The following ANKRD44 variants were observed in gnomAD, a reference collection of about 807,000 sequenced individuals.
ANKRD44 encodes serine/threonine-protein phosphatase 6 regulatory ankyrin repeat subunit B.
A neutral mutation model predicts 116.0 loss-of-function variants in ANKRD44; 35 were observed. That is an observed-to-expected ratio of 0.30 (90% CI 0.23 to 0.40). ANKRD44 has a LOEUF of 0.40. Among genes scored for constraint, ANKRD44 ranks in the 10% least tolerant of loss-of-function variants. The pLI is 1.00. For missense variants in ANKRD44, 1,014 were observed against 1,242.6 expected, an observed-to-expected ratio of 0.82 and a Z score of 2.77; for synonymous variants, 435 against 461.8, an observed-to-expected ratio of 0.94 and a Z score of 0.74.
chr2:197,191,218 A>G (rs776517277), intron 1 of ANKRD44, among the ~76,000 whole-genome samples: 9 of 152,306 alleles, frequency 5.9e-5, no homozygotes, highest in Non-Finnish European at 1.0e-4. Context: ...GGCCAAATTT[A>G]CCAAAAGCAC....
chr2:197,233,118 T>C (rs1047228275), intron 1 of ANKRD44, among the ~76,000 whole-genome samples: 4 of 152,186 alleles, frequency 2.6e-5, no homozygotes, highest in African/African-American at 9.7e-5. Context: ...AGAACTAAAT[T>C]TGAAATTGGA....
rs1392574483 is a variant in ANKRD44 at position 196,998,887 on chromosome 2, T to C, written c.2665+20A>G. ...TTTTTGCATGGGCATAAGGGCAAAG[T>C]CCATACAACAAGCACATACCCACAG... is the stretch of plus-strand genomic sequence containing the variant. On this transcript the variant is annotated intron_variant, in intron 24 of 27. Coordinates refer to ENST00000282272, the MANE Select transcript of ANKRD44 (RefSeq NM_001195144.2). The C allele has an allele frequency of 1.2e-6, 2 of 1,611,932 alleles. No homozygotes were observed. Among genetic ancestry groups the C allele is most frequent in the East Asian group, 2.2e-5 (1 of 44,882 alleles).
intron 1 of ANKRD44, among the ~76,000 whole-genome samples, chr2:197,278,828 G>A (rs558079976): frequency 2.6e-5 from 4 of 152,220 alleles, no homozygotes; most frequent in African/African-American, 9.6e-5. Context: ...CTCTGAGGCA[G>A]AGACTTTTCG....
chr2:197,228,641 G>C (rs141350989), intron 1 of ANKRD44, among the ~76,000 whole-genome samples: 5 of 152,318 alleles, frequency 3.3e-5, no homozygotes, highest in African/African-American at 1.2e-4. Flanking sequence ...TTAGCTCTGT[G>C]TCCTACAACT....
intron 25 of ANKRD44, among the ~76,000 whole-genome samples, chr2:196,996,902 C>CAAAAA (rs55760106): frequency 4.5e-5 from 4 of 88,958 alleles, no homozygotes; most frequent in African/African-American, 1.3e-4. Context: ...GACTCTGCCT[C>CAAAAA]AAAAAAAAAA....
chr2:197,230,028 T>C (rs1324339337), intron 1 of ANKRD44, among the ~76,000 whole-genome samples: 1 of 151,890 alleles, frequency 6.6e-6, no homozygotes, highest in Non-Finnish European at 1.5e-5. Context: ...AAACAGAACT[T>C]GCATTTCACA....
rs1479063690 is a variant in ANKRD44 at position 197,221,208 on chromosome 2, G to A, written c.28-34102C>T. Among the ~76,000 whole-genome samples the A allele has an allele frequency of 1.6e-4, 25 of 151,658 alleles. 1 individual carries two copies. Among genetic ancestry groups the A allele is most frequent in the Non-Finnish European group, 2.9e-5 (2 of 67,956 alleles). ...GGAGGTTGCAGTGAGCCGAGATCAT[G>A]GCACTGCACTCCAGCCTGGGTGACA... On this transcript the variant is annotated intron_variant, in intron 1 of 27. Transcript: ENST00000282272.
downstream of ANKRD44, among the ~76,000 whole-genome samples, chr2:196,986,176 T>TTA (rs1387254380): frequency 6.6e-6 from 1 of 152,192 alleles, no homozygotes; most frequent in East Asian, 1.9e-4. Context: ...TATTTCTAGT[T>TTA]TATCACGTCT....
At chr2:197,105,815 G>A (rs568555233) in intron 9 of ANKRD44, among the ~76,000 whole-genome samples, 2 of 152,230 alleles carry the variant, frequency 1.3e-5, no homozygotes, top group South Asian at 2.1e-4. Context: ...CAGTGTGCAC[G>A]TATCCATATC....
intron 1 of ANKRD44, among the ~76,000 whole-genome samples, chr2:197,271,978 T>C (rs1252819357): frequency 6.6e-6 from 1 of 152,220 alleles, no homozygotes; most frequent in Admixed American, 6.5e-5. Context: ...GTTGAAATTA[T>C]ATCGCCAAAG....
At chr2:197,161,075 A>C (rs2079948537) in intron 2 of ANKRD44, among the ~76,000 whole-genome samples, 1 of 152,194 alleles carries the variant, frequency 6.6e-6, no homozygotes, top group Admixed American at 6.5e-5. Flanking sequence ...AAATTGAGCC[A>C]GTGGGACAGA....
chr2:197,230,499 A>T (rs1327379928), intron 1 of ANKRD44, among the ~76,000 whole-genome samples: 1 of 152,196 alleles, frequency 6.6e-6, no homozygotes, highest in African/African-American at 2.4e-5. Flanking sequence ...TATCACAGGA[A>T]CTGCCTATGA....
intron 1 of ANKRD44, among the ~76,000 whole-genome samples, chr2:197,262,560 T>C (rs547896525): frequency 1.3e-5 from 2 of 152,290 alleles, no homozygotes; most frequent in African/African-American, 4.8e-5. Context: ...CCAAAATGAG[T>C]GCATTCTTTC....
At chr2:197,059,103 A>G (rs1157379362) in intron 16 of ANKRD44, among the ~76,000 whole-genome samples, 1 of 152,150 alleles carries the variant, frequency 6.6e-6, no homozygotes, top group Admixed American at 6.6e-5. Context: ...GTCTCAGCTC[A>G]AGGTAAAATT....
chr2:197,209,034 G>A (rs2125689252), intron 1 of ANKRD44, among the ~76,000 whole-genome samples: 1 of 152,282 alleles, frequency 6.6e-6, no homozygotes, highest in South Asian at 2.1e-4. Context: ...GACTATTAGA[G>A]GTAGCTCTAA....
At chr2:197,001,452 G>T (rs1326972226) in intron 22 of ANKRD44, among the ~76,000 whole-genome samples, 1 of 152,176 alleles carries the variant, frequency 6.6e-6, no homozygotes, top group Admixed American at 6.5e-5. Context: ...TTTAGAATTT[G>T]GCAGACAAAT....
At chr2:196,967,868 T>C (rs2075685122) in intron 21 of ANKRD44, among the ~76,000 whole-genome samples, 1 of 151,560 alleles carries the variant, frequency 6.6e-6, no homozygotes, top group Admixed American at 6.6e-5. Context: ...GGAGGTGGGG[T>C]GGGAGGTGTC....
chr2:197,000,615 G>A (rs1301265394), intron 22 of ANKRD44, 113 bp from the exon 23 acceptor site: 5 of 841,694 alleles, frequency 5.9e-6, no homozygotes, highest in East Asian at 2.6e-5. Context: ...TTAAAAAATC[G>A]AACGTAAATA....
chr2:197,005,978 G>C, intron 20 of ANKRD44, 68 bp from the exon 21 acceptor site: 4 of 1,481,114 alleles, frequency 2.7e-6, no homozygotes, highest in Non-Finnish European at 3.8e-6. Flanking sequence ...AGTTGGCTAA[G>C]TGAGGCTGGG....
Sources: allele counts gnomAD v4.1 joint callset (sites outside exome capture counted in the v4.1 genomes callset), GRCh38; gene constraint gnomAD v4.1.1; transcripts MANE v1.5; gene names NCBI Gene and HGNC (gene_info 2026-07-23, HGNC 2026-07-21).